CARMIL1: variants seen among roughly 807,000 people sequenced by gnomAD.
CARMIL1 encodes the protein F-actin-uncapping protein LRRC16A.
A neutral mutation model predicts 177.1 loss-of-function variants in CARMIL1; 90 were observed. The observed-to-expected ratio is 0.51, with a 90% CI of 0.43 to 0.61. The LOEUF (loss-of-function observed/expected upper bound fraction) is 0.61, where lower values mean the gene tolerates loss of function less well. CARMIL1 is among the 20% of genes least tolerant of loss of function. CARMIL1 has a pLI of 0.00. For missense variants in CARMIL1, 1,380 were observed against 1,667.0 expected (o/e 0.83, Z 3.00); for synonymous variants, 577 against 606.2 (o/e 0.95, Z 0.71).
chr6:25,567,863 C>G (rs905683963), intron 29 of CARMIL1, among the ~76,000 whole-genome samples: 18 of 152,322 alleles, frequency 1.2e-4, no homozygotes, highest in African/African-American at 4.3e-4. Flanking sequence ...ATGAGTTAAG[C>G]TTCATTCTTC....
At chr6:25,368,724 G>A (rs1459922355) in intron 2 of CARMIL1, among the ~76,000 whole-genome samples, 5 of 152,112 alleles carry the variant, frequency 3.3e-5, no homozygotes, top group Admixed American at 3.3e-4. Context: ...TTCAGAAATG[G>A]TTGAAATATT....
intron 8 of CARMIL1, chr6:25,451,986 G>GCTTC: frequency 8.9e-6 from 1 of 112,672 alleles, no homozygotes; most frequent in South Asian, 7.1e-5. Context: ...CTAGCATCTT[G>GCTTC]CCCCCCCCTC....
intron 17 of CARMIL1, chr6:25,507,509 A>G (rs1805028706): frequency 6.6e-6 from 1 of 152,614 alleles, no homozygotes; most frequent in South Asian, 2.1e-4. Context: ...TTTATGAATC[A>G]ATTAGAATAT....
chr6:25,466,886 C>A (rs992050158), intron 9 of CARMIL1, among the ~76,000 whole-genome samples: 6 of 152,244 alleles, frequency 3.9e-5, no homozygotes, highest in East Asian at 1.9e-4. Context: ...GAATAAGAAA[C>A]CTGGATTTCA....
At chr6:25,354,020 C>G (rs1399228055) in intron 2 of CARMIL1, among the ~76,000 whole-genome samples, 1 of 152,168 alleles carries the variant, frequency 6.6e-6, no homozygotes, top group Non-Finnish European at 1.5e-5. Context: ...TCTGATAATG[C>G]ACAGATAAAA....
At chr6:25,501,056 C>T (rs1258084872) in intron 17 of CARMIL1, among the ~76,000 whole-genome samples, 1 of 152,108 alleles carries the variant, frequency 6.6e-6, no homozygotes, top group African/African-American at 2.4e-5. Flanking sequence ...GCCACTGCGC[C>T]CAGCCTAAAC....
rs968028786 is a variant in CARMIL1 at position 25,563,886 on chromosome 6, A to G, written c.2742+7036A>G. ...CATCAAGAAAGGCTTAAATTCATAC[A>G]GGTTACATCTTTCAAACCTTTGGTA... On this transcript the variant is annotated intron_variant, in intron 29 of 36. Transcript: ENST00000329474. 12 of 985,238 alleles carry G rather than the reference A, an allele frequency of 1.2e-5. No individual in the cohort carries two copies. The South Asian group carries it at 1.9e-4, about 15-fold the overall frequency. The allele number at this position is 985,238 out of a possible 1,614,324, so 61.0% of individuals were successfully genotyped here. A position where few individuals can be genotyped will look rare whatever the true frequency, so the allele number is the denominator to read the frequency against.
intron 5 of CARMIL1, among the ~76,000 whole-genome samples, chr6:25,448,683 G>T (rs1422932894): frequency 6.6e-6 from 1 of 152,124 alleles, no homozygotes; most frequent in African/African-American, 2.4e-5. Context: ...CTGGTTATTC[G>T]TCTGTTTCTC....
At chr6:25,503,323 G>A (rs538273270) in intron 17 of CARMIL1, among the ~76,000 whole-genome samples, 5 of 152,174 alleles carry the variant, frequency 3.3e-5, no homozygotes, top group Non-Finnish European at 7.3e-5. Flanking sequence ...TTATGTTGAT[G>A]CATGAAAGTT....
At position 25,330,920 on chromosome 6, in the gene CARMIL1, G is replaced by A. The variant is rs529091776; in HGVS notation, c.138+46011G>A. On this transcript the variant is annotated intron_variant, in intron 2 of 36. Transcript: ENST00000329474. ...TTTTTTTTTTTTTTTGAGGAGGAGG[G>A]AGGAGAAGGGAACTTACTGTAATGT... Among the ~76,000 whole-genome samples the A allele has an allele frequency of 1.5e-4, 23 of 148,980 alleles. No homozygotes were observed. The South Asian group carries it at 4.5e-3, about 29-fold the overall frequency.
At chr6:25,540,225 C>T (rs1808757979) in intron 26 of CARMIL1, 147 bp downstream of exon 26, 1 of 735,242 alleles carries the variant, frequency 1.4e-6, no homozygotes, top group Non-Finnish European at 1.9e-6. Context: ...GTGTCTTTTC[C>T]AGCTTCATTA....
At chr6:25,353,434 A>C (rs1199615878) in intron 2 of CARMIL1, among the ~76,000 whole-genome samples, 1 of 152,094 alleles carries the variant, frequency 6.6e-6, no homozygotes, top group Non-Finnish European at 1.5e-5. Flanking sequence ...ATCTTTGTTT[A>C]TGTTGTTTTC....
intron 2 of CARMIL1, among the ~76,000 whole-genome samples, chr6:25,289,567 G>A (rs1581454905): frequency 6.6e-6 from 1 of 152,064 alleles, no homozygotes; most frequent in Non-Finnish European, 1.5e-5. Flanking sequence ...TCACCACAAG[G>A]ACCCCTAACA....
intron 8 of CARMIL1, among the ~76,000 whole-genome samples, chr6:25,451,608 T>C (rs1347113301): frequency 6.6e-6 from 1 of 152,198 alleles, no homozygotes; most frequent in African/African-American, 2.4e-5. Flanking sequence ...GCTTCATTTT[T>C]CCCCATGTCT....
rs572155843 is a variant in CARMIL1, at chr6:25,619,711, C to A, written c.*128C>A. The A allele has an allele frequency of 1.8e-4, 102 of 574,776 alleles. 2 individuals are homozygous for A. The South Asian group carries it at 4.3e-3, about 24-fold the overall frequency. 35.6% of individuals were successfully genotyped at this position (574,776 alleles called of 1,614,324 possible). A position where few individuals can be genotyped will look rare whatever the true frequency, so the allele number is the denominator to read the frequency against. On this transcript the variant is annotated 3_prime_UTR_variant, in exon 37 of 37. Transcript: ENST00000329474. ...TTTATTCTCTTCTTTTTCTTTATTT[C>A]GCCCCCACCCCCATCCCCTGCCTTT...
intron 11 of CARMIL1, among the ~76,000 whole-genome samples, chr6:25,478,799 GA>G (rs111562802): frequency 0.036 from 5,189 of 144,614 alleles, 269 homozygotes; most frequent in African/African-American, 0.11. Context: ...CCATCTTGGG[GA>G]AAAAAAAAAA....
chr6:25,609,610 A>G (rs1422527196), intron 35 of CARMIL1, among the ~76,000 whole-genome samples: 1 of 152,242 alleles, frequency 6.6e-6, no homozygotes, highest in Non-Finnish European at 1.5e-5. Context: ...TGACCTACAT[A>G]TATGCATGCA....
intron 31 of CARMIL1, among the ~76,000 whole-genome samples, chr6:25,593,457 TG>T (rs1814516924): frequency 6.6e-6 from 1 of 152,220 alleles, no homozygotes; most frequent in Admixed American, 6.5e-5. Context: ...CTGTTCCTTA[TG>T]GGTTATTGTA....
chr6:25,601,664 A>T (rs1330602040), intron 33 of CARMIL1, among the ~76,000 whole-genome samples: 1 of 152,262 alleles, frequency 6.6e-6, no homozygotes, highest in Non-Finnish European at 1.5e-5. Context: ...TGAATATTTG[A>T]CCATTGATAT....
Sources: gnomAD v4.1 joint callset for allele counts (sites outside exome capture counted in the v4.1 genomes callset) on GRCh38, gnomAD v4.1.1 for gene constraint, MANE v1.5 for transcripts, NCBI Gene and HGNC (gene_info 2026-07-23, HGNC 2026-07-21) for gene names.